KCNQ3: variants seen among roughly 807,000 people sequenced by gnomAD.
KCNQ3 encodes potassium voltage-gated channel subfamily Q member 3, also known as potassium voltage-gated channel subfamily KQT member 3.
KCNQ3 carries 30 observed loss-of-function variants against 92.5 expected under a neutral mutation model. The ratio of observed to expected loss-of-function variants is 0.32; its 90% confidence interval spans 0.24 to 0.44. The LOEUF is 0.44. Among genes scored for constraint, KCNQ3 ranks in the 20% least tolerant of loss-of-function variants. KCNQ3 has a pLI of 1.00. For missense variants in KCNQ3, 913 were observed against 1,140.3 expected (o/e 0.80, Z 2.87); for synonymous variants, 450 against 468.8 (o/e 0.96, Z 0.52).
Position 132,202,132 on chromosome 8 carries a change from C to T in KCNQ3, c.387-15951G>A, listed in dbSNP as rs912456509. ...GGTGGCTGAGGGGTGCTGTGCTGGA[C>T]TTTGGGGAGCAGAGACCTAAGGCAG... On this transcript the variant is annotated intron_variant, in intron 1 of 14. Transcript: ENST00000388996. 1.3e-4 allele frequency among the ~76,000 whole-genome samples: 20 copies of T among 152,060 alleles called. 1 individual carries two copies. Among genetic ancestry groups the T allele is most frequent in the Non-Finnish European group, 7.4e-5 (5 of 68,010 alleles).
chr8:132,269,562 T>C (rs1816089394), intron 1 of KCNQ3, among the ~76,000 whole-genome samples: 1 of 152,228 alleles, frequency 6.6e-6, no homozygotes, highest in Admixed American at 6.5e-5. Context: ...GATCCACACA[T>C]TGAAAGACAT....
chr8:132,430,612 C>A (rs563857630), intron 1 of KCNQ3, among the ~76,000 whole-genome samples: 2 of 152,222 alleles, frequency 1.3e-5, no homozygotes, highest in African/African-American at 4.8e-5. Flanking sequence ...CATTTTTAAA[C>A]CACTCCTTTC....
intron 1 of KCNQ3, among the ~76,000 whole-genome samples, chr8:132,443,084 TA>T (rs2130840350): frequency 6.6e-6 from 1 of 152,270 alleles, no homozygotes; most frequent in Non-Finnish European, 1.5e-5. Flanking sequence ...CCAAGGAAAT[TA>T]GAATTACAAA....
chr8:132,249,916 G>A (rs1020188796), intron 1 of KCNQ3, among the ~76,000 whole-genome samples: 1 of 152,180 alleles, frequency 6.6e-6, no homozygotes, highest in African/African-American at 2.4e-5. Context: ...GCCCCTCACT[G>A]CCTGGGGCCA....
intron 1 of KCNQ3, among the ~76,000 whole-genome samples, chr8:132,227,340 G>A (rs558650591): frequency 8.5e-5 from 13 of 152,160 alleles, no homozygotes; most frequent in East Asian, 1.9e-4. Flanking sequence ...GATTACAGGC[G>A]TGAGCCACCA....
chr8:132,216,787 AAC>A (rs1483359941), intron 1 of KCNQ3, among the ~76,000 whole-genome samples: 1 of 152,180 alleles, frequency 6.6e-6, no homozygotes, highest in Non-Finnish European at 1.5e-5. Context: ...CCTCTCTGAC[AAC>A]ACAGAGAGGG....
intron 1 of KCNQ3, among the ~76,000 whole-genome samples, chr8:132,451,786 G>A (rs956371229): frequency 6.6e-6 from 1 of 152,218 alleles, no homozygotes; most frequent in African/African-American, 2.4e-5. Context: ...TAACTGATGA[G>A]ATGAGATCTG....
chr8:132,303,461 G>A (rs943254861), intron 1 of KCNQ3, among the ~76,000 whole-genome samples: 3 of 149,238 alleles, frequency 2.0e-5, no homozygotes, highest in Admixed American at 6.8e-5. Context: ...TGGAGAAAGG[G>A]AGAGTTTGGC....
At chr8:132,469,992 C>T (rs1398084996) in intron 1 of KCNQ3, among the ~76,000 whole-genome samples, 1 of 151,982 alleles carries the variant, frequency 6.6e-6, no homozygotes, top group Non-Finnish European at 1.5e-5. Flanking sequence ...GGAAGGTCAG[C>T]GATGTTTCCT....
At chr8:132,207,257 C>T (rs1563804732) in intron 1 of KCNQ3, among the ~76,000 whole-genome samples, 1 of 152,158 alleles carries the variant, frequency 6.6e-6, no homozygotes, top group Non-Finnish European at 1.5e-5. Flanking sequence ...TGATTTTACA[C>T]GATCTCTAGG....
chr8:132,360,284 A>T (rs1563878138), intron 1 of KCNQ3, among the ~76,000 whole-genome samples: 3 of 152,152 alleles, frequency 2.0e-5, no homozygotes, highest in Non-Finnish European at 4.4e-5. Context: ...CTGTCTAGAT[A>T]TCTGCAGAGC....
intron 1 of KCNQ3, among the ~76,000 whole-genome samples, chr8:132,435,790 T>A (rs116726376): frequency 0.018 from 2,683 of 152,208 alleles, 75 homozygotes; most frequent in African/African-American, 0.061. Context: ...TCTCAAACAA[T>A]CCTCCCAAAG....
chr8:132,416,669 C>T lies in KCNQ3; in HGVS notation c.386+63478G>A, dbSNP rs141704169. 9.9e-5 allele frequency among the ~76,000 whole-genome samples: 15 copies of T among 152,268 alleles called. No individual in the cohort carries two copies. In the East Asian group the frequency reaches 2.9e-3, roughly 29 times the overall value. On this transcript the variant is annotated intron_variant, in intron 1 of 14. Transcript: ENST00000388996. Reference sequence around the variant, plus strand: ...CATACATTTACTCAAGAGGTGTATACATCCAGTAGGTACTAGGCATGGGGC... The same window carrying T: ...CATACATTTACTCAAGAGGTGTATATATCCAGTAGGTACTAGGCATGGGGC...
intron 1 of KCNQ3, among the ~76,000 whole-genome samples, chr8:132,307,878 C>CAT (rs1244264648): frequency 1.3e-5 from 2 of 151,894 alleles, no homozygotes; most frequent in East Asian, 3.9e-4. Context: ...CGGGGAGTTG[C>CAT]ACAGCTCCCC....
chr8:132,444,396 A>G (rs546741498), intron 1 of KCNQ3, among the ~76,000 whole-genome samples: 14 of 152,284 alleles, frequency 9.2e-5, no homozygotes, highest in Middle Eastern at 3.4e-3. Context: ...TGAAGGGTCT[A>G]CACTGAATAT....
intron 1 of KCNQ3, among the ~76,000 whole-genome samples, chr8:132,310,584 T>C (rs2130610136): frequency 6.6e-6 from 1 of 152,248 alleles, no homozygotes; most frequent in East Asian, 1.9e-4. Flanking sequence ...CCCTGTAAAA[T>C]GAGCCGTCAA....
In KCNQ3 at chr8:132,132,455, C is replaced by T. The variant is rs75329959; in HGVS notation, c.1800-191G>A. Among the ~76,000 whole-genome samples the T allele has an allele frequency of 1.5e-3, 236 of 152,356 alleles. 1 individual carries two copies. In the East Asian group the frequency reaches 0.036, roughly 23 times the overall value. On this transcript the variant is annotated intron_variant, in intron 13 of 14. Transcript: ENST00000388996. ...AGTCAGAGTTTTTCTGCATTCAACA[C>T]TGGTATCTCATGTTTACCTCCACTG... is the stretch of plus-strand genomic sequence containing the variant.
intron 1 of KCNQ3, among the ~76,000 whole-genome samples, chr8:132,193,375 G>A (rs572941085): frequency 5.3e-5 from 8 of 152,330 alleles, no homozygotes; most frequent in Admixed American, 1.3e-4. Context: ...GTAGCTGCAC[G>A]TGGCTCTAAA....
Position 132,121,889 on chromosome 8 carries a change from G to A in KCNQ3, c.*7373C>T, listed in dbSNP as rs889368835. The A allele has an allele frequency of 6.6e-6, 1 of 152,118 alleles. No individual in the cohort carries two copies. Among genetic ancestry groups the A allele is most frequent in the African/African-American group, 2.4e-5 (1 of 41,418 alleles). 9.4% of individuals were successfully genotyped at this position (152,118 alleles called of 1,614,324 possible). On this transcript the variant is annotated 3_prime_UTR_variant, in exon 15 of 15. Coordinates refer to ENST00000388996, the MANE Select transcript of KCNQ3 (RefSeq NM_004519.4). ...TAATGGATTCCAATGTGAACCAGGT[G>A]AATAATTTATGAGGCATTATTTTCT...
Sources: gnomAD v4.1 joint callset for allele counts (sites outside exome capture counted in the v4.1 genomes callset) on GRCh38, gnomAD v4.1.1 for gene constraint, MANE v1.5 for transcripts, NCBI Gene and HGNC (gene_info 2026-07-23, HGNC 2026-07-21) for gene names.